The following BRINP3 variants were observed in gnomAD, a reference collection of about 807,000 sequenced individuals.
BRINP3 encodes BMP/retinoic acid inducible neural specific 3.
In BRINP3, 19 loss-of-function variants were observed where a neutral mutation model predicts 71.0. That is an observed-to-expected ratio of 0.27 (90% CI 0.19 to 0.39). The LOEUF is 0.39. Among genes scored for constraint, BRINP3 ranks in the 10% least tolerant of loss-of-function variants. BRINP3 has a pLI of 1.00. For missense variants in BRINP3, 959 were observed against 940.8 expected, an observed-to-expected ratio of 1.02 and a Z score of -0.25; for synonymous variants, 380 against 337.7, an observed-to-expected ratio of 1.13 and a Z score of -1.37.
At position 190,415,795 on chromosome 1, in the gene BRINP3, C is replaced by A. The variant is rs1174257024; in HGVS notation, c.236+38860G>T. ...GCATGCACTTGCAATACCAGCTACT[C>A]AGGAGGCTGAGGTGGGAGGATCACT... On this transcript the variant is annotated intron_variant, in intron 2 of 7. Coordinates refer to ENST00000367462, the MANE Select transcript of BRINP3 (RefSeq NM_199051.3). Among the ~76,000 whole-genome samples, 3 of 151,818 alleles carry A rather than the reference C, an allele frequency of 2.0e-5. No homozygotes were observed. In the East Asian group the frequency reaches 5.8e-4, roughly 29 times the overall value.
At chr1:190,412,486 G>A (rs1484888738) in intron 2 of BRINP3, among the ~76,000 whole-genome samples, 3 of 131,140 alleles carry the variant, frequency 2.3e-5, no homozygotes, top group East Asian at 2.1e-4. Flanking sequence ...TTTTTGAGAC[G>A]GAGTCTCGCT....
At chr1:190,111,538 T>C (rs1232567761) in intron 7 of BRINP3, among the ~76,000 whole-genome samples, 3 of 152,140 alleles carry the variant, frequency 2.0e-5, no homozygotes, top group African/African-American at 4.8e-5. Flanking sequence ...AATAAAACAA[T>C]TTTTCCAGTT....
intron 6 of BRINP3, among the ~76,000 whole-genome samples, chr1:190,213,525 T>A (rs1328007534): frequency 6.6e-6 from 1 of 152,082 alleles, no homozygotes; most frequent in Non-Finnish European, 1.5e-5. Flanking sequence ...AAGAGGCAAC[T>A]GCTTCTCAAC....
chr1:190,325,237 A>G (rs557324236), intron 2 of BRINP3, among the ~76,000 whole-genome samples: 64 of 152,100 alleles, frequency 4.2e-4, no homozygotes, highest in Non-Finnish European at 6.8e-4. Flanking sequence ...TTTTGATTTG[A>G]TTATAATTAC....
At chr1:190,316,056 C>G (rs1025677532) in intron 2 of BRINP3, among the ~76,000 whole-genome samples, 1 of 149,712 alleles carries the variant, frequency 6.7e-6, no homozygotes. Context: ...AACTGGACAC[C>G]GGTGCAGCTG....
At chr1:190,349,610 G>T (rs1164917578) in intron 2 of BRINP3, among the ~76,000 whole-genome samples, 3 of 152,028 alleles carry the variant, frequency 2.0e-5, no homozygotes, top group Non-Finnish European at 4.4e-5. Flanking sequence ...ATTGTTATTA[G>T]AATTTATAAC....
chr1:190,314,055 T>C (rs906455051), intron 2 of BRINP3, among the ~76,000 whole-genome samples: 1 of 151,980 alleles, frequency 6.6e-6, no homozygotes, highest in Admixed American at 6.6e-5. Context: ...TTCGCAAAAT[T>C]ATCTAATTTA....
intron 2 of BRINP3, among the ~76,000 whole-genome samples, chr1:190,408,714 C>T (rs1558260342): frequency 6.6e-6 from 1 of 152,124 alleles, no homozygotes; most frequent in Non-Finnish European, 1.5e-5. Context: ...CAACTGAGAA[C>T]AATTTTGCCT....
Position 190,342,307 on chromosome 1 carries a change from A to G in BRINP3, c.237-60557T>C, listed in dbSNP as rs181280709. The stretch of plus-strand genomic sequence containing the variant: ...GTAACCTAGCATATTCACATTTTCA[A>G]GCATTAAAATGTTGACATTTGGGGG... On this transcript the variant is annotated intron_variant, in intron 2 of 7. Coordinates refer to ENST00000367462, the MANE Select transcript of BRINP3 (RefSeq NM_199051.3). The G allele has an allele frequency of 4.1e-3, 615 of 150,560 alleles. 5 individuals carry two copies. Among genetic ancestry groups the G allele is most frequent in the African/African-American group, 0.014 (588 of 40,982 alleles). 9.3% of individuals were successfully genotyped at this position (150,560 alleles called of 1,614,324 possible). A position where few individuals can be genotyped will look rare whatever the true frequency, so the allele number is the denominator to read the frequency against.
At chr1:190,439,822 C>T (rs186987117) in intron 2 of BRINP3, among the ~76,000 whole-genome samples, 5 of 151,934 alleles carry the variant, frequency 3.3e-5, no homozygotes, top group African/African-American at 9.6e-5. Context: ...ATAAAGCATT[C>T]ATATACAATG....
At chr1:190,421,074 A>G (rs183346906) in intron 2 of BRINP3, among the ~76,000 whole-genome samples, 2 of 151,792 alleles carry the variant, frequency 1.3e-5, no homozygotes, top group African/African-American at 2.4e-5. Context: ...TCTACTCACA[A>G]CGGCACAAAT....
At chr1:190,203,760 TATATATATATATATATATATA>T (rs1655229279) in intron 6 of BRINP3, among the ~76,000 whole-genome samples, 1 of 824 alleles carries the variant, frequency 1.2e-3, no homozygotes, top group East Asian at 0.083. Flanking sequence ...AATATATATA[TATATATATATATATATATATA>T]TATATATATA....
intron 2 of BRINP3, among the ~76,000 whole-genome samples, chr1:190,380,776 A>G (rs530246284): frequency 6.6e-6 from 1 of 152,226 alleles, no homozygotes; most frequent in South Asian, 2.1e-4. Flanking sequence ...ATTAGGTGTT[A>G]TTATTTCTTC....
At chr1:190,121,666 G>A (rs1653674830) in intron 7 of BRINP3, among the ~76,000 whole-genome samples, 1 of 152,154 alleles carries the variant, frequency 6.6e-6, no homozygotes, top group African/African-American at 2.4e-5. Flanking sequence ...AGTTTAGGCA[G>A]TAAGTTCTTA....
At chr1:190,238,245 T>C (rs1306119557) in intron 4 of BRINP3, among the ~76,000 whole-genome samples, 1 of 152,040 alleles carries the variant, frequency 6.6e-6, no homozygotes, top group Non-Finnish European at 1.5e-5. Context: ...AATAACTATA[T>C]TTGGCTCGTA....
At chr1:190,132,078 A>G (rs1320185351) in intron 7 of BRINP3, among the ~76,000 whole-genome samples, 1 of 152,032 alleles carries the variant, frequency 6.6e-6, no homozygotes, top group Non-Finnish European at 1.5e-5. Flanking sequence ...ATTCTTTAGT[A>G]TAAAATGTAT....
chr1:190,375,391 C>T (rs1040962060), intron 2 of BRINP3, among the ~76,000 whole-genome samples: 9 of 151,842 alleles, frequency 5.9e-5, no homozygotes, highest in African/African-American at 2.2e-4. Context: ...TCTAACTATG[C>T]TTCAAAATGT....
chr1:190,177,474 G>A lies in BRINP3; in HGVS notation c.962-16584C>T, dbSNP rs186490220. On this transcript the variant is annotated intron_variant, in intron 6 of 7. Coordinates refer to ENST00000367462, the MANE Select transcript of BRINP3 (RefSeq NM_199051.3). ...ATTACAGGCGTGAGGCACCACGCCC[G>A]GCCCGGGAGCACCTACTTCTAGCAC... Among the ~76,000 whole-genome samples the A allele has an allele frequency of 4.6e-5, 7 of 151,478 alleles. No homozygotes were observed. The East Asian group carries it at 9.8e-4, about 21-fold the overall frequency.
chr1:190,342,201 C>G (rs1220599565), intron 2 of BRINP3, among the ~76,000 whole-genome samples: 1 of 151,366 alleles, frequency 6.6e-6, no homozygotes, highest in Non-Finnish European at 1.5e-5. Context: ...CCTGGATAAT[C>G]CAGAATAGTC....
Sources: gnomAD v4.1 joint callset for allele counts (sites outside exome capture counted in the v4.1 genomes callset) on GRCh38, gnomAD v4.1.1 for gene constraint, MANE v1.5 for transcripts, NCBI Gene and HGNC (gene_info 2026-07-23, HGNC 2026-07-21) for gene names.